The following DSG4 variants were observed in gnomAD, a reference collection of about 807,000 sequenced individuals.
DSG4 encodes the protein desmoglein 4.
Under a neutral mutation model 93.1 loss-of-function variants are expected in DSG4, and 87 were observed. The observed-to-expected ratio is 0.93, with a 90% confidence interval of 0.79 to 1.12. DSG4 has a LOEUF of 1.12. Ranked by LOEUF, DSG4 falls within the 50% of genes most tolerant of loss-of-function variation. The probability of loss-of-function intolerance (pLI) is 0.00; values close to 1 mark genes in which losing one functional copy is unlikely to be tolerated. For synonymous variants in DSG4, 432 were observed against 452.9 expected (o/e 0.95, Z 0.59); for missense variants, 1,373 against 1,285.7 (o/e 1.07, Z -1.04).
At chr18:31,391,804 A>G (rs2072252998) in intron 7 of DSG4, among the ~76,000 whole-genome samples, 1 of 152,160 alleles carries the variant, frequency 6.6e-6, no homozygotes, top group South Asian at 2.1e-4. Flanking sequence ...CTGGCCCACA[A>G]TATCTAATAT....
At position 31,388,899 on chromosome 18, in the gene DSG4, G is replaced by A. The variant is rs143110911; in HGVS notation, c.398G>A (p.Arg133Gln). 1.0e-4 allele frequency: 167 copies of A among 1,613,410 alleles called. No individual in the cohort carries two copies. Among genetic ancestry groups the A allele is most frequent in the African/African-American group, 2.3e-4 (17 of 74,862 alleles). The change falls in exon 5 of 16, where the codon CGG becomes CAG. Residue 133 changes from arginine (R) to glutamine (Q), a missense_variant. Coordinates refer to ENST00000308128, the MANE Select transcript of DSG4 (RefSeq NM_177986.5). ...FLIYCRALNSRGEDLERPLEL... is the reference protein window; with the variant it reads ...FLIYCRALNSQGEDLERPLEL... ...ATCTATTGCCGGGCTCTGAATTCAC[G>A]GGGTGAAGATTTAGAAAGGCCTCTT...
Position 31,390,782 on chromosome 18 carries a change from C to CT in DSG4, c.645dup (p.Gly216TrpfsTer37). On this transcript the variant is annotated frameshift_variant, in exon 6 of 16. Transcript: ENST00000308128. LOFTEE classifies it high-confidence loss of function. ...CCCATGTTCATTCTGAATAGGTACACTGGAGAAGTCTGCACCATGTCCAGT... is the reference window on the plus strand; with the variant it reads ...CCCATGTTCATTCTGAATAGGTACACTTGGAGAAGTCTGCACCATGTCCAGT... 2 of 1,613,694 alleles carry CT rather than the reference C, an allele frequency of 1.2e-6. No individual in the cohort carries two copies. The highest frequency in any genetic ancestry group is 1.7e-6 in the Non-Finnish European group (2 of 1,179,756).
At chr18:31,405,603 G>A (rs761846977) in intron 11 of DSG4, among the ~76,000 whole-genome samples, 1 of 151,816 alleles carries the variant, frequency 6.6e-6, no homozygotes, top group African/African-American at 2.4e-5. Flanking sequence ...AGTAAAAAAG[G>A]CCAGGCAGAA....
In DSG4 at chr18:31,392,103, C is replaced by T. The variant is rs1256466875; in HGVS notation, c.820-52C>T. ...AAATAATAATAATGTGTTTTAAGTA[C>T]GTTTCTTCTTTTGAAAATTCATTGA... On this transcript the variant is annotated intron_variant, in intron 7 of 15. Coordinates refer to ENST00000308128, the MANE Select transcript of DSG4 (RefSeq NM_177986.5). The T allele has an allele frequency of 1.3e-5, 20 of 1,553,634 alleles. No homozygotes were observed. The East Asian group carries it at 1.4e-4, about 10-fold the overall frequency.
At position 31,376,857 on chromosome 18, in the gene DSG4, G is replaced by C; in HGVS notation, c.-55G>C. 1 of 1,603,816 alleles carries C rather than the reference G, an allele frequency of 6.2e-7. No individual in the cohort carries two copies. The highest frequency in any genetic ancestry group is 8.5e-7 in the Non-Finnish European group (1 of 1,171,032). On this transcript the variant is annotated 5_prime_UTR_variant, in exon 1 of 16. Coordinates refer to ENST00000308128, the MANE Select transcript of DSG4 (RefSeq NM_177986.5). The stretch of plus-strand genomic sequence containing the variant: ...GTAGAGCAGAATTCGGAACTGAGAA[G>C]ACGAGGGCTCAAATTGAATCTCACA...
rs1306117123 is a variant in DSG4, at chr18:31,413,325, T to C, written c.2853T>C (p.Cys951=). The change falls in exon 16 of 16, where the codon TGT becomes TGC. Residue 951 remains cysteine (C), a synonymous_variant. Coordinates refer to ENST00000308128, the MANE Select transcript of DSG4 (RefSeq NM_177986.5). The part of the protein sequence containing the change: ...APVYDIQGNI[C]VPAELADYNN... ...TCTATGATATTCAAGGGAATATTTG[T>C]GTACCTGCTGAGTTAGCAGATTACA... The C allele has an allele frequency of 1.2e-6, 2 of 1,614,222 alleles. No individual in the cohort carries two copies. The highest frequency in any genetic ancestry group is 1.7e-6 in the Non-Finnish European group (2 of 1,180,040).
At chr18:31,402,447 C>T (rs1268842859) in intron 10 of DSG4, among the ~76,000 whole-genome samples, 1 of 152,046 alleles carries the variant, frequency 6.6e-6, no homozygotes, top group African/African-American at 2.4e-5. Flanking sequence ...TAAGTGAAAT[C>T]GACATCCTTC....
chr18:31,390,991 A>G (rs1489893095), intron 6 of DSG4, 87 bp from the exon 7 acceptor site: 2 of 1,563,318 alleles, frequency 1.3e-6, no homozygotes, highest in Non-Finnish European at 1.7e-6. Flanking sequence ...TATGTAAATA[A>G]AAGAGTAGAG....
chr18:31,376,885 A>G lies in DSG4; in HGVS notation c.-27A>G. On this transcript the variant is annotated 5_prime_UTR_variant, in exon 1 of 16. Coordinates refer to ENST00000308128, the MANE Select transcript of DSG4 (RefSeq NM_177986.5). The stretch of plus-strand genomic sequence containing the variant: ...GAGGGCTCAAATTGAATCTCACAGG[A>G]TTTGCGTGCAAGAGAAACCCAAAGG... 1 of 1,613,504 alleles carries G rather than the reference A, an allele frequency of 6.2e-7. No homozygotes were observed. The highest frequency in any genetic ancestry group is 1.1e-5 in the South Asian group (1 of 91,060).
In DSG4 at chr18:31,413,221, T is replaced by C; in HGVS notation, c.2749T>C (p.Cys917Arg). 2 of 1,614,164 alleles carry C rather than the reference T, an allele frequency of 1.2e-6. No homozygotes were observed. Among genetic ancestry groups the C allele is most frequent in the Non-Finnish European group, 1.7e-6 (2 of 1,180,010 alleles). The change falls in exon 16 of 16, where the codon TGT becomes CGT. Residue 917 changes from cysteine to arginine, a missense_variant. Cys to Arg is a radical substitution (Grantham distance 180). Transcript: ENST00000308128. Reference protein sequence around the residue: ...VTETYGNADPCVQPTTIIFDP... With the variant: ...VTETYGNADPRVQPTTIIFDP... ...TGAGACTTACGGTAATGCTGATCCA[T>C]GTGTGCAACCCACTACAATTATTTT...
At chr18:31,389,356 C>G (rs1342388812) in intron 5 of DSG4, among the ~76,000 whole-genome samples, 1 of 152,098 alleles carries the variant, frequency 6.6e-6, no homozygotes. Context: ...CTGTTCTGGT[C>G]TCTTACTCAA....
At chr18:31,394,875 CTATGTTCT>C (rs2072289316) in intron 8 of DSG4, among the ~76,000 whole-genome samples, 1 of 152,062 alleles carries the variant, frequency 6.6e-6, no homozygotes, top group African/African-American at 2.4e-5. Flanking sequence ...CAATTCTTAC[CTATGTTCT>C]TATCATCTTA....
chr18:31,378,335 T>C (rs1598731308), intron 1 of DSG4, among the ~76,000 whole-genome samples: 1 of 152,332 alleles, frequency 6.6e-6, no homozygotes, highest in South Asian at 2.1e-4. Context: ...AGGATATACC[T>C]CTTGTTACTC....
chr18:31,391,200 A>G lies in DSG4; in HGVS notation c.807A>G (p.Leu269=). 6.2e-7 allele frequency: 1 copy of G among 1,613,630 alleles called. No individual in the cohort carries two copies. The highest frequency in any genetic ancestry group is 8.5e-7 in the Non-Finnish European group (1 of 1,179,630). ...ACGTCAACGATAATTTCCCCACCTT[A>G]GAGAAAACTTCAGTAAGTTTGTATT... ...VLDVNDNFPT[L]EKTSYSASIE... is the part of the protein sequence containing the mutation. The change falls in exon 7 of 16, where the codon TTA becomes TTG. Residue 269 remains leucine (L), a synonymous_variant. Coordinates refer to ENST00000308128, the MANE Select transcript of DSG4 (RefSeq NM_177986.5).
In DSG4 at chr18:31,391,160, G is replaced by A. The variant is rs1273794537; in HGVS notation, c.767G>A (p.Arg256Lys). 1 of 1,613,632 alleles carries A rather than the reference G, an allele frequency of 6.2e-7. No homozygotes were observed. The highest frequency in any genetic ancestry group is 1.3e-5 in the African/African-American group (1 of 74,882). Residue 256 changes from arginine (R) to lysine (K), a missense_variant, in exon 7 of 16, where the codon AGA becomes AAA. Arg to Lys is a conservative substitution (Grantham distance 26). Coordinates refer to ENST00000308128, the MANE Select transcript of DSG4 (RefSeq NM_177986.5). The part of the protein sequence containing the change: ...ADGLSSECDC[R>K]IKVLDVNDNF... ...GGACTGTCTTCTGAGTGTGACTGTA[G>A]AATCAAGGTTTTAGACGTCAACGAT... is the stretch of plus-strand genomic sequence containing the variant.
chr18:31,395,211 A>G (rs1568066067), intron 8 of DSG4, among the ~76,000 whole-genome samples: 1 of 152,014 alleles, frequency 6.6e-6, no homozygotes, highest in Non-Finnish European at 1.5e-5. Context: ...GCAATGTACT[A>G]TCTGACTTAT....
rs1362081767 is a variant in DSG4 at position 31,406,159 on chromosome 18, C to T, written c.1719C>T (p.Asn573=). 1.2e-5 allele frequency: 19 copies of T among 1,614,026 alleles called. No individual in the cohort carries two copies. In the Middle Eastern group the frequency reaches 4.9e-4, roughly 42 times the overall value. Reference sequence around the variant, plus strand: ...CAATCCTGGTGAAGGACAGCTATAACAGAGCATGTGAATTGGCACAAATGG... The same window carrying T: ...CAATCCTGGTGAAGGACAGCTATAATAGAGCATGTGAATTGGCACAAATGG... The part of the protein sequence containing the change: ...EIPILVKDSY[N]RACELAQMVQ... Residue 573 remains asparagine, a synonymous_variant, in exon 12 of 16, where the codon AAC becomes AAT. Transcript: ENST00000308128.
At chr18:31,382,682 G>A (rs2072148478) in intron 1 of DSG4, among the ~76,000 whole-genome samples, 1 of 152,060 alleles carries the variant, frequency 6.6e-6, no homozygotes, top group South Asian at 2.1e-4. Context: ...CGGGAGACCT[G>A]TACATAAAGT....
chr18:31,401,377 A>G (rs1233955448), intron 10 of DSG4, among the ~76,000 whole-genome samples: 1 of 152,174 alleles, frequency 6.6e-6, no homozygotes, highest in African/African-American at 2.4e-5. Flanking sequence ...TACAAAGTTC[A>G]TTTGGGGATC....
Sources: allele counts gnomAD v4.1 joint callset (sites outside exome capture counted in the v4.1 genomes callset), GRCh38; gene constraint gnomAD v4.1.1; transcripts MANE v1.5; gene names NCBI Gene and HGNC (gene_info 2026-07-23, HGNC 2026-07-21).